HCLS1: variants seen among roughly 807,000 people sequenced by gnomAD.
HCLS1 encodes hematopoietic lineage cell-specific protein.
A neutral mutation model predicts 68.6 loss-of-function variants in HCLS1; 44 were observed. The ratio of observed to expected loss-of-function variants is 0.64; its 90% CI spans 0.50 to 0.82. The LOEUF is 0.82. HCLS1 is among the 40% of genes least tolerant of loss of function. The probability of loss-of-function intolerance (pLI) is 0.00; values close to 1 mark genes in which losing one functional copy is unlikely to be tolerated. For synonymous variants in HCLS1, 217 were observed against 225.8 expected, an observed-to-expected ratio of 0.96 and a Z score of 0.35; for missense variants, 602 against 612.1, an observed-to-expected ratio of 0.98 and a Z score of 0.17.
chr3:121,659,470 C>T (rs1937945045), intron 1 of HCLS1, among the ~76,000 whole-genome samples: 1 of 152,196 alleles, frequency 6.6e-6, no homozygotes, highest in Non-Finnish European at 1.5e-5. Context: ...ACAACCACTC[C>T]TCGGGTTCTC....
chr3:121,632,451 G>A lies in HCLS1; in HGVS notation c.1121C>T (p.Pro374Leu). 6 of 1,612,794 alleles carry A rather than the reference G, an allele frequency of 3.7e-6. No homozygotes were observed. Among genetic ancestry groups the A allele is most frequent in the Non-Finnish European group, 5.1e-6 (6 of 1,179,084 alleles). The change falls in exon 12 of 14, where the codon CCT becomes CTT. Residue 374 changes from proline (P) to leucine (L), a missense_variant. Transcript: ENST00000314583. ...CTCAACGTCCTCATAGTCATTCTCA[G>A]GCTCGGGCTCAGGCTCGGGCTCAGG... ...PEPEPEPEPE[P>L]ENDYEDVEEM... is the part of the protein sequence containing the mutation.
chr3:121,658,213 C>T (rs760534243), intron 2 of HCLS1, 51 bp downstream of exon 2: 74 of 1,336,792 alleles, frequency 5.5e-5, no homozygotes, highest in Non-Finnish European at 7.4e-5. Context: ...CCCAGATGCC[C>T]TCCTCACCCC....
At chr3:121,641,053 G>A (rs181388068) in intron 6 of HCLS1, among the ~76,000 whole-genome samples, 1 of 152,280 alleles carries the variant, frequency 6.6e-6, no homozygotes, top group Non-Finnish European at 1.5e-5. Context: ...ATTATTCCAA[G>A]AGAAAATGCC....
chr3:121,634,549 G>A (rs2049131429), intron 9 of HCLS1, 131 bp from the exon 10 acceptor site: 2 of 814,572 alleles, frequency 2.5e-6, no homozygotes, highest in Admixed American at 2.2e-5. Flanking sequence ...ATGGTAAAGA[G>A]GTATCGATAG....
intron 6 of HCLS1, among the ~76,000 whole-genome samples, chr3:121,640,890 G>C (rs889467281): frequency 6.7e-6 from 1 of 150,296 alleles, no homozygotes; most frequent in African/African-American, 2.5e-5. Context: ...GGAAAGGAAG[G>C]GAAGGGAAGA....
In HCLS1 at chr3:121,633,056, G is replaced by A. The variant is rs2049115216; in HGVS notation, c.1008+11C>T. 1 of 1,568,982 alleles carries A rather than the reference G, an allele frequency of 6.4e-7. No individual in the cohort carries two copies. The highest frequency in any genetic ancestry group is 1.1e-5 in the South Asian group (1 of 89,724). On this transcript the variant is annotated intron_variant, in intron 11 of 13. Transcript: ENST00000314583. ...GGGGTGGGGGCAGAGAATCTTTGGG[G>A]GTTTGCTTACCTCCGGGAGAGTCTG...
intron 11 of HCLS1, among the ~76,000 whole-genome samples, 153 bp from the exon 12 acceptor site, chr3:121,632,716 A>G (rs990402364): frequency 1.3e-5 from 2 of 152,034 alleles, no homozygotes; most frequent in African/African-American, 4.8e-5. Flanking sequence ...ACAGCCTTTC[A>G]TCCATCTTCA....
At chr3:121,643,358 A>G (rs1483298172) in intron 5 of HCLS1, 1 of 199,718 alleles carries the variant, frequency 5.0e-6, no homozygotes, top group Non-Finnish European at 1.1e-5. Flanking sequence ...TGAGAACTAA[A>G]TGGGACAAGG....
chr3:121,642,250 G>A (rs1254386387), intron 6 of HCLS1, among the ~76,000 whole-genome samples: 3 of 145,268 alleles, frequency 2.1e-5, no homozygotes, highest in Non-Finnish European at 4.5e-5. Context: ...ACGAGGTCAG[G>A]AGATCGACAC....
chr3:121,658,119 T>C, intron 2 of HCLS1, 145 bp downstream of exon 2: 1 of 668,506 alleles, frequency 1.5e-6, no homozygotes, highest in South Asian at 1.8e-5. Flanking sequence ...TGACAGCCAA[T>C]TGTCCTACCA....
intron 1 of HCLS1, among the ~76,000 whole-genome samples, chr3:121,658,669 G>A (rs1377281442): frequency 1.3e-5 from 2 of 152,338 alleles, no homozygotes; most frequent in Admixed American, 6.5e-5. Context: ...TGTGTCCCGA[G>A]GCCAGCCAGG....
rs146092130 is a variant in HCLS1 at position 121,655,880 on chromosome 3, G to A, written c.158+1399C>T. On this transcript the variant is annotated intron_variant, in intron 3 of 13. Transcript: ENST00000314583. ...TATTTATTTATTGAGACTGAGTCTC[G>A]CTCTATCACCCTGGCTGGAGTGCAG... Among the ~76,000 whole-genome samples the A allele has an allele frequency of 2.4e-4, 35 of 148,172 alleles. No individual in the cohort carries two copies. The East Asian group carries it at 6.3e-3, about 27-fold the overall frequency.
chr3:121,648,586 G>A (rs1937661004), intron 3 of HCLS1, among the ~76,000 whole-genome samples: 1 of 152,186 alleles, frequency 6.6e-6, no homozygotes, highest in Admixed American at 6.5e-5. Context: ...ATGGTGAGCT[G>A]GGACTTTACC....
In HCLS1 at chr3:121,632,442, T is replaced by A; in HGVS notation, c.1130A>T (p.Asp377Val). 6.2e-7 allele frequency: 1 copy of A among 1,613,982 alleles called. No individual in the cohort carries two copies. The highest frequency in any genetic ancestry group is 1.1e-5 in the South Asian group (1 of 91,060). ...EPEPEPEPEN[D>V]YEDVEEMDRH... is the part of the protein sequence containing the mutation. ...GTCCATCTCCTCAACGTCCTCATAG[T>A]CATTCTCAGGCTCGGGCTCAGGCTC... Residue 377 changes from aspartate (D) to valine (V), a missense_variant, in exon 12 of 14, where the codon GAC (aspartate) becomes GTC (valine). Transcript: ENST00000314583.
rs2049157389 is a variant in HCLS1, at chr3:121,637,162, T to G, written c.549A>C (p.Lys183Asn). The change falls in exon 7 of 14, where the codon AAA becomes AAC. Residue 183 changes from lysine to asparagine, a missense_variant. Transcript: ENST00000314583. ...LGYDYKGETE[K>N]HESQRDYAKG... ...CCAACTCACCTCTCTGGGACTCGTG[T>G]TTCTCCGTCTCTCCCTTGTAGTCAT... 2 of 1,612,442 alleles carry G rather than the reference T, an allele frequency of 1.2e-6. No individual in the cohort carries two copies. The highest frequency in any genetic ancestry group is 1.7e-6 in the Non-Finnish European group (2 of 1,178,604).
In HCLS1 at chr3:121,635,796, G is replaced by A. The variant is rs370856378; in HGVS notation, c.630C>T (p.Val210=). 126 of 1,613,838 alleles carry A rather than the reference G, an allele frequency of 7.8e-5. 2 individuals are homozygous for A. In the South Asian group the frequency reaches 9.9e-4, roughly 13 times the overall value. The change falls in exon 9 of 14, where the codon GTC becomes GTT. Residue 210 remains valine (V), a synonymous_variant. Transcript: ENST00000314583. ...IQKDRVDKSA[V]GFNEMEAPTT... is the part of the protein sequence containing the mutation. Reference sequence around the variant, plus strand: ...TCGGGGCCTCCATTTCATTGAAGCCGACAGCGCTCTGCAGGCAGGAGAACA... The same window carrying A: ...TCGGGGCCTCCATTTCATTGAAGCCAACAGCGCTCTGCAGGCAGGAGAACA...
Position 121,651,179 on chromosome 3 carries a change from C to G in HCLS1, c.159-3731G>C, listed in dbSNP as rs528847864. Among the ~76,000 whole-genome samples the G allele has an allele frequency of 4.6e-5, 7 of 152,164 alleles. No homozygotes were observed. In the South Asian group the frequency reaches 1.2e-3, roughly 27 times the overall value. On this transcript the variant is annotated intron_variant, in intron 3 of 13. Coordinates refer to ENST00000314583, the MANE Select transcript of HCLS1 (RefSeq NM_005335.6). The stretch of plus-strand genomic sequence containing the variant: ...ATAAAGTGAAAAAGCAAGTTATGTT[C>G]TGGGAGAATACACTTGTAAAACACA...
intron 3 of HCLS1, 141 bp from the exon 4 acceptor site, chr3:121,647,589 C>A: frequency 1.4e-6 from 1 of 737,978 alleles, no homozygotes. Flanking sequence ...AGTGATGGGT[C>A]TGGAAGTAAA....
Position 121,631,830 on chromosome 3 carries a change from A to T in HCLS1, c.*16T>A. The T allele has an allele frequency of 6.2e-7, 1 of 1,614,002 alleles. No individual in the cohort carries two copies. The highest frequency in any genetic ancestry group is 2.2e-5 in the East Asian group (1 of 44,870). Reference sequence around the variant, plus strand: ...GGACATGGGAAATCACAGTTGCAGTAGACAGTGAGCTCTAGTCACTCCAGA... The same window carrying T: ...GGACATGGGAAATCACAGTTGCAGTTGACAGTGAGCTCTAGTCACTCCAGA... On this transcript the variant is annotated 3_prime_UTR_variant, in exon 14 of 14. Coordinates refer to ENST00000314583, the MANE Select transcript of HCLS1 (RefSeq NM_005335.6).
Sources: allele counts gnomAD v4.1 joint callset (sites outside exome capture counted in the v4.1 genomes callset), GRCh38; gene constraint gnomAD v4.1.1; transcripts MANE v1.5; gene names NCBI Gene and HGNC (gene_info 2026-07-23, HGNC 2026-07-21).